The following KRT84 variants were observed in gnomAD, a reference collection of about 807,000 sequenced individuals.
KRT84 encodes the protein keratin 84.
A neutral mutation model predicts 49.0 loss-of-function variants in KRT84; 38 were observed. The ratio of observed to expected loss-of-function variants is 0.78; its 90% CI spans 0.60 to 1.02. The LOEUF (loss-of-function observed/expected upper bound fraction) is 1.02. Ranked by LOEUF, KRT84 falls within the 50% of genes least tolerant of loss-of-function variation. The pLI, the probability that KRT84 is intolerant of heterozygous loss-of-function variation, is 0.00. For missense variants in KRT84, 860 were observed against 788.6 expected, an observed-to-expected ratio of 1.09 and a Z score of -1.08; for synonymous variants, 334 against 312.8, an observed-to-expected ratio of 1.07 and a Z score of -0.72.
chr12:52,378,183 T>C lies in KRT84; in HGVS notation c.1654A>G (p.Arg552Gly), dbSNP rs563874897. The C allele has an allele frequency of 5.7e-6, 9 of 1,578,616 alleles. No homozygotes were observed. Among genetic ancestry groups the C allele is most frequent in the Non-Finnish European group, 6.9e-6 (8 of 1,163,458 alleles). Reference protein sequence around the residue: ...ATGDLLSTGTRSGSMLISEAC... With the variant: ...ATGDLLSTGTGSGSMLISEAC... ...TCGCTGATGAGCATGGAGCCACTCCTTGTGCCAGTGCTCAGCAGGTCCCCA... is the reference window on the plus strand; with the variant it reads ...TCGCTGATGAGCATGGAGCCACTCCCTGTGCCAGTGCTCAGCAGGTCCCCA... Residue 552 changes from arginine to glycine, a missense_variant, in exon 9 of 9, where the codon AGG becomes GGG. Arg to Gly is a moderately radical substitution (Grantham distance 125). Transcript: ENST00000257951.
chr12:52,383,042 C>A lies in KRT84; in HGVS notation c.779G>T (p.Arg260Leu), dbSNP rs765348284. ...CACAAACTCATTCTCAGCATTGGCC[C>A]GACATACCACTTCCTCTTCATACCT... is the stretch of plus-strand genomic sequence containing the variant. ...KKKYEEEVVC[R>L]ANAENEFVAL... Residue 260 changes from arginine (R) to leucine (L), a missense_variant, in exon 3 of 9, where the codon CGG becomes CTG. Arg to Leu is a moderately radical substitution (Grantham distance 102). Coordinates refer to ENST00000257951, the MANE Select transcript of KRT84 (RefSeq NM_033045.4). The A allele has an allele frequency of 6.2e-7, 1 of 1,613,754 alleles. No homozygotes were observed. Among genetic ancestry groups the A allele is most frequent in the Admixed American group, 1.7e-5 (1 of 59,998 alleles).
At position 52,377,945 on chromosome 12, in the gene KRT84, T is replaced by C; in HGVS notation, c.*89A>G. The C allele has an allele frequency of 9.6e-7, 1 of 1,040,834 alleles. No individual in the cohort carries two copies. Among genetic ancestry groups the C allele is most frequent in the Non-Finnish European group, 1.3e-6 (1 of 770,402 alleles). The allele number at this position is 1,040,834 out of a possible 1,614,324, so 64.5% of individuals were successfully genotyped here. On this transcript the variant is annotated 3_prime_UTR_variant, in exon 9 of 9. Coordinates refer to ENST00000257951, the MANE Select transcript of KRT84 (RefSeq NM_033045.4). Reference sequence around the variant, plus strand: ...TGGCAGAAAGGGGAGCTGGAGACCGTCAAGCCCAGAGCCCACGAACCCTGG... The same window carrying C: ...TGGCAGAAAGGGGAGCTGGAGACCGCCAAGCCCAGAGCCCACGAACCCTGG...
intron 8 of KRT84, among the ~76,000 whole-genome samples, chr12:52,379,295 C>T (rs918815603): frequency 1.1e-4 from 17 of 152,198 alleles, no homozygotes; most frequent in South Asian, 2.1e-4. Flanking sequence ...TGCCAGTATC[C>T]GCTTTTCTCC....
At chr12:52,379,771 C>T in intron 8 of KRT84, 105 bp downstream of exon 8, 1 of 910,906 alleles carries the variant, frequency 1.1e-6, no homozygotes, top group Non-Finnish European at 1.8e-6. Context: ...ACTGTCGTGG[C>T]CAGACCGGCC....
rs768390760 is a variant in KRT84, at chr12:52,378,096, C to G, written c.1741G>C (p.Gly581Arg). 6.6e-7 allele frequency: 1 copy of G among 1,508,308 alleles called. No individual in the cohort carries two copies. Among genetic ancestry groups the G allele is most frequent in the East Asian group, 2.5e-5 (1 of 40,028 alleles). The allele number at this position is 1,508,308 out of a possible 1,614,324, so 93.4% of individuals were successfully genotyped here. Reference protein sequence around the residue: ...PTQGGFSSCSGGRSSSVRFVS... With the variant: ...PTQGGFSSCSRGRSSSVRFVS... ...AAGCGGACGCTGGAGCTGCGGCCGC[C>G]GCTGCAGCTGCTGAAGCCCCCCTGG... Residue 581 changes from glycine (G) to arginine (R), a missense_variant, in exon 9 of 9, where the codon GGC becomes CGC. By Grantham distance (125) the Gly-to-Arg change is moderately radical (BLOSUM62 -2). Coordinates refer to ENST00000257951, the MANE Select transcript of KRT84 (RefSeq NM_033045.4).
At chr12:52,381,266 T>G (rs1939478931) in intron 5 of KRT84, 61 bp from the exon 6 acceptor site, 1 of 1,609,438 alleles carries the variant, frequency 6.2e-7, no homozygotes, top group Non-Finnish European at 8.5e-7. Flanking sequence ...CAGCCCCCAC[T>G]GAGTTGGGGG....
chr12:52,381,094 G>C lies in KRT84; in HGVS notation c.1189C>G (p.His397Asp), dbSNP rs1939473726. Residue 397 changes from histidine (H) to aspartate (D), a missense_variant, in exon 6 of 9, where the codon CAC becomes GAC. Coordinates refer to ENST00000257951, the MANE Select transcript of KRT84 (RefSeq NM_033045.4). The stretch of plus-strand genomic sequence containing the variant: ...CCTTTGCCCACCTGAGCCTTGGCGT[G>C]CTCAATCTCTGCCTTAAGCCTCTGG... ...LIQRLKAEIE[H>D]AKAQRAKLEA... The C allele has an allele frequency of 6.2e-7, 1 of 1,613,934 alleles. No individual in the cohort carries two copies. The highest frequency in any genetic ancestry group is 8.5e-7 in the Non-Finnish European group (1 of 1,179,980).
intron 8 of KRT84, among the ~76,000 whole-genome samples, chr12:52,379,007 T>G (rs995889559): frequency 5.3e-5 from 8 of 152,174 alleles, no homozygotes; most frequent in African/African-American, 1.9e-4. Flanking sequence ...CCCAGAATCC[T>G]TCCTGCCATC....
At position 52,385,149 on chromosome 12, in the gene KRT84, A is replaced by G. The variant is rs1405342004; in HGVS notation, c.437T>C (p.Leu146Pro). 1 of 1,599,874 alleles carries G rather than the reference A, an allele frequency of 6.3e-7. No homozygotes were observed. Among genetic ancestry groups the G allele is most frequent in the African/African-American group, 1.3e-5 (1 of 74,620 alleles). The change falls in exon 1 of 9, where the codon CTA becomes CCA. Residue 146 changes from leucine (L) to proline (P), a missense_variant. Coordinates refer to ENST00000257951, the MANE Select transcript of KRT84 (RefSeq NM_033045.4). ...SITAVTVNKS[L>P]LTPLNLEIDP... The stretch of plus-strand genomic sequence containing the variant: ...AATCTCCAGGTTGAGGGGGGTCAGT[A>G]GGCTCTTGTTCACAGTCACAGCTGT...
intron 8 of KRT84, among the ~76,000 whole-genome samples, chr12:52,379,139 T>C (rs1939437378): frequency 6.6e-6 from 1 of 152,244 alleles, no homozygotes; most frequent in African/African-American, 2.4e-5. Flanking sequence ...TAGCTCTGAC[T>C]GTCTGACCCA....
rs763490419 is a variant in KRT84 at position 52,385,551 on chromosome 12, T to G, written c.35A>C (p.His12Pro). Residue 12 changes from histidine (H) to proline (P), a missense_variant, in exon 1 of 9, where the codon CAC (histidine) becomes CCC (proline). His to Pro is a moderately conservative substitution (Grantham distance 77). Coordinates refer to ENST00000257951, the MANE Select transcript of KRT84 (RefSeq NM_033045.4). ...SCRSYRVSSG[H>P]RVGNFSSCSA... ...ACAAGAGCTGAAGTTGCCCACCCGG[T>G]GACCAGAGCTGACTCGGTAGGAGCG... 6.2e-7 allele frequency: 1 copy of G among 1,613,884 alleles called. No individual in the cohort carries two copies.
intron 6 of KRT84, 96 bp downstream of exon 6, chr12:52,380,984 T>C: frequency 3.3e-6 from 5 of 1,499,414 alleles, no homozygotes; most frequent in Non-Finnish European, 4.5e-6. Flanking sequence ...TTCTGGGTCT[T>C]GATGGTCTCC....
Position 52,379,893 on chromosome 12 carries a change from A to G in KRT84, c.1439T>C (p.Val480Ala), listed in dbSNP as rs1372503430. 1.9e-6 allele frequency: 3 copies of G among 1,612,020 alleles called. No homozygotes were observed. The highest frequency in any genetic ancestry group is 1.7e-5 in the Admixed American group (1 of 59,988). ...TTTCTTACATATGTTTACTGGTCCA[A>G]CACCTTCACAGAGCCTGGAAAGGGG... Reference protein sequence around the residue: ...EGEESRLCEGVGPVNISVSSS... With the variant: ...EGEESRLCEGAGPVNISVSSS... Residue 480 changes from valine (V) to alanine (A), a missense_variant, in exon 8 of 9, where the codon GTT (valine) becomes GCT (alanine). Val to Ala is a moderately conservative substitution (Grantham distance 64, BLOSUM62 0). Transcript: ENST00000257951.
upstream of KRT84, among the ~76,000 whole-genome samples, chr12:52,386,470 C>T (rs554964855): frequency 4.6e-5 from 7 of 151,124 alleles, no homozygotes; most frequent in African/African-American, 1.7e-4. Flanking sequence ...GATCCTCCCG[C>T]CTCCGCCTCC....
rs758224274 is a variant in KRT84 at position 52,380,462 on chromosome 12, G to T, written c.1325C>A (p.Ala442Glu). The part of the protein sequence containing the change: ...CALQQAKQDM[A>E]RQLCEYQELM... ...CTCCTGGTACTCGCACAGCTGCCGC[G>T]CCATGTCCTGCTTGGCCTGCTGCAG... The change falls in exon 7 of 9, where the codon GCG (alanine) becomes GAG (glutamate). Residue 442 changes from alanine to glutamate, a missense_variant. Coordinates refer to ENST00000257951, the MANE Select transcript of KRT84 (RefSeq NM_033045.4). 5.0e-6 allele frequency: 8 copies of T among 1,614,052 alleles called. No individual in the cohort carries two copies. Among genetic ancestry groups the T allele is most frequent in the South Asian group, 2.2e-5 (2 of 91,080 alleles).
At position 52,385,082 on chromosome 12, in the gene KRT84, T is replaced by A; in HGVS notation, c.504A>T (p.Gln168His). 1 of 1,607,332 alleles carries A rather than the reference T, an allele frequency of 6.2e-7. No homozygotes were observed. The change falls in exon 1 of 9, where the codon CAA becomes CAT. Residue 168 changes from glutamine to histidine, a missense_variant. Transcript: ENST00000257951. ...CAAACTTGTTGTTGAGGGTCTTGAT[T>A]TGCTCCTTCTCATCCTTCTTCACCC... ...AQRVKKDEKE[Q>H]IKTLNNKFAS...
chr12:52,385,051 A>T lies in KRT84; in HGVS notation c.535T>A (p.Phe179Ile). The change falls in exon 1 of 9, where the codon TTC becomes ATC. Residue 179 changes from phenylalanine (F) to isoleucine (I), a missense_variant. By Grantham distance (21) the Phe-to-Ile change is conservative. Transcript: ENST00000257951. Reference protein sequence around the residue: ...IKTLNNKFASFIDKVRFLEQQ... With the variant: ...IKTLNNKFASIIDKVRFLEQQ... ...GCTATCATAGGTACCTTGTCAATGAAGGAGGCAAACTTGTTGTTGAGGGTC... is the reference window on the plus strand; with the variant it reads ...GCTATCATAGGTACCTTGTCAATGATGGAGGCAAACTTGTTGTTGAGGGTC... 1 of 1,607,088 alleles carries T rather than the reference A, an allele frequency of 6.2e-7. No homozygotes were observed. Among genetic ancestry groups the T allele is most frequent in the Non-Finnish European group, 8.5e-7 (1 of 1,176,676 alleles).
At chr12:52,379,643 G>T (rs7302367) in intron 8 of KRT84, among the ~76,000 whole-genome samples, 8,580 of 152,242 alleles carry the variant, frequency 0.056, 743 homozygotes, top group African/African-American at 0.19. Context: ...CCTCCACTTT[G>T]GAGGCCTTGA....
At chr12:52,384,789 G>A (rs536364774) in intron 1 of KRT84, among the ~76,000 whole-genome samples, 5 of 152,290 alleles carry the variant, frequency 3.3e-5, no homozygotes, top group Admixed American at 6.5e-5. Flanking sequence ...TTGGCTGGAT[G>A]CTCCTCTGTC....
Sources: gnomAD v4.1 joint callset for allele counts (sites outside exome capture counted in the v4.1 genomes callset) on GRCh38, gnomAD v4.1.1 for gene constraint, MANE v1.5 for transcripts, NCBI Gene and HGNC (gene_info 2026-07-23, HGNC 2026-07-21) for gene names.